EXD1: variants seen among roughly 807,000 people sequenced by gnomAD.
The protein encoded by EXD1 is exonuclease 3'-5' domain containing 1, also known as piRNA biogenesis protein EXD1.
Under a neutral mutation model 49.1 loss-of-function variants are expected in EXD1, and 63 were observed. The ratio of observed to expected loss-of-function variants is 1.28; its 90% CI spans 1.05 to 1.58. EXD1 has a LOEUF of 1.58. EXD1 is among the 40% of genes most tolerant of loss of function. The pLI is 0.00. For missense variants in EXD1, 748 were observed against 666.0 expected (o/e 1.12, Z -1.36); for synonymous variants, 234 against 239.2 (o/e 0.98, Z 0.20).
At position 41,203,916 on chromosome 15, in the gene EXD1, C is replaced by CAAAAAAAAA. The variant is rs1187093511; in HGVS notation, c.534+5576_534+5584dup. Among the ~76,000 whole-genome samples the CAAAAAAAAA allele has an allele frequency of 8.1e-3, 187 of 23,222 alleles. 17 individuals are homozygous for CAAAAAAAAA. The highest frequency in any genetic ancestry group is 0.077 in the Middle Eastern group (2 of 26). 15.2% of individuals were successfully genotyped at this position (23,222 alleles called of 152,430 possible). The stretch of plus-strand genomic sequence containing the variant: ...TGGGCAAAAGAGCAAGACTTCTCCT[C>CAAAAAAAAA]AAAAAAAAAAAAAAAAAAAAAAAAA... On this transcript the variant is annotated intron_variant, in intron 7 of 11. Coordinates refer to ENST00000458580, the MANE Select transcript of EXD1 (RefSeq NM_001286441.2).
At chr15:41,188,754 A>AT (rs1354752490) in intron 11 of EXD1, among the ~76,000 whole-genome samples, 2 of 149,146 alleles carry the variant, frequency 1.3e-5, no homozygotes, top group Non-Finnish European at 3.0e-5. Flanking sequence ...AATGATTGAA[A>AT]TTCTCAGTTT....
rs543424282 is a variant in EXD1 at position 41,214,475 on chromosome 15, C to T, written c.447+1300G>A. Among the ~76,000 whole-genome samples, 32 of 150,254 alleles carry T rather than the reference C, an allele frequency of 2.1e-4. No individual in the cohort carries two copies. The East Asian group carries it at 5.5e-3, about 26-fold the overall frequency. ...TTGAGGTGAGCCAAGATCACCCCAC[C>T]GAACTCCAGCCTGGGCCACAAGGCG... On this transcript the variant is annotated intron_variant, in intron 6 of 11. Transcript: ENST00000458580.
chr15:41,203,974 G>A (rs548585008), intron 7 of EXD1, among the ~76,000 whole-genome samples: 13 of 147,570 alleles, frequency 8.8e-5, no homozygotes, highest in South Asian at 4.3e-4. Flanking sequence ...GGCCAGGTGC[G>A]GTGGCTCACA....
chr15:41,217,335 C>A (rs1306303935), intron 3 of EXD1, among the ~76,000 whole-genome samples, 181 bp from the exon 4 acceptor site: 1 of 152,126 alleles, frequency 6.6e-6, no homozygotes, highest in African/African-American at 2.4e-5. Context: ...TCTAAAGTAC[C>A]AAAGACTCTC....
intron 2 of EXD1, among the ~76,000 whole-genome samples, chr15:41,223,074 C>T (rs940973590): frequency 7.2e-5 from 11 of 151,936 alleles, no homozygotes; most frequent in Admixed American, 3.3e-4. Context: ...CTACAGCCTC[C>T]GAATAGCTGA....
intron 7 of EXD1, among the ~76,000 whole-genome samples, chr15:41,201,932 C>A (rs934551879): frequency 1.1e-4 from 16 of 151,904 alleles, no homozygotes; most frequent in Admixed American, 3.3e-4. Flanking sequence ...GTGGGAGGAT[C>A]GCTTAAGGCC....
rs538577812 is a variant in EXD1, at chr15:41,230,208, C to T, written c.-54+271G>A. ...AAGCGATTCTCCTGCCTCAGCCTCC[C>T]GAGTAGCTGGGATTACAGGCACGCG... is the stretch of plus-strand genomic sequence containing the variant. On this transcript the variant is annotated intron_variant, in intron 1 of 11. Transcript: ENST00000458580. Among the ~76,000 whole-genome samples the T allele has an allele frequency of 7.2e-5, 11 of 151,764 alleles. No individual in the cohort carries two copies. The South Asian group carries it at 2.3e-3, about 32-fold the overall frequency.
Position 41,183,956 on chromosome 15 carries a change from A to T in EXD1, c.1694T>A (p.Ile565Lys). 1 of 1,605,140 alleles carries T rather than the reference A, an allele frequency of 6.2e-7. No homozygotes were observed. The highest frequency in any genetic ancestry group is 2.2e-5 in the East Asian group (1 of 44,812). The change falls in exon 12 of 12, where the codon ATA (isoleucine) becomes AAA (lysine). Residue 565 changes from isoleucine to lysine, a missense_variant. Transcript: ENST00000458580. ...CPALEKIDSW[I>K]SPFLNLP The stretch of plus-strand genomic sequence containing the variant: ...CTAGGGCAGATTTAGAAAAGGACTT[A>T]TCCAGGAATCGATCTTCTCCAAGGC...
chr15:41,199,732 T>TATATTATATATA (rs1566980624), intron 7 of EXD1, among the ~76,000 whole-genome samples: 4 of 78,840 alleles, frequency 5.1e-5, no homozygotes, highest in African/African-American at 2.2e-4. Flanking sequence ...TTATATATGA[T>TATATTATATATA]ATATATGTCA....
At position 41,191,567 on chromosome 15, in the gene EXD1, A is replaced by C; in HGVS notation, c.739T>G (p.Phe247Val). 1 of 1,614,034 alleles carries C rather than the reference A, an allele frequency of 6.2e-7. No homozygotes were observed. The highest frequency in any genetic ancestry group is 8.5e-7 in the Non-Finnish European group (1 of 1,180,004). ...FDTQVADVLQ[F>V]SMETGGYLPN... ...AGATAGCCACCCGTTTCCATGGAAA[A>C]CTGAAGTACATCTGCTACCTGTGGT... The change falls in exon 10 of 12, where the codon TTT becomes GTT. Residue 247 changes from phenylalanine (F) to valine (V), a missense_variant. By Grantham distance (50) the Phe-to-Val change is conservative. Transcript: ENST00000458580.
At chr15:41,186,195 G>GA (rs1013590062) in intron 11 of EXD1, among the ~76,000 whole-genome samples, 18 of 152,004 alleles carry the variant, frequency 1.2e-4, no homozygotes, top group African/African-American at 3.9e-4. Flanking sequence ...CAATAGTCAG[G>GA]AAAAAGTGGC....
At chr15:41,198,322 G>A (rs2046648071) in intron 7 of EXD1, among the ~76,000 whole-genome samples, 1 of 152,128 alleles carries the variant, frequency 6.6e-6, no homozygotes, top group African/African-American at 2.4e-5. Context: ...AGGAGAAAGG[G>A]GCTGAAGGGT....
chr15:41,218,498 A>AAG (rs977242556), intron 3 of EXD1, among the ~76,000 whole-genome samples: 2 of 151,806 alleles, frequency 1.3e-5, no homozygotes, highest in African/African-American at 4.8e-5. Flanking sequence ...AAAAAAAAAA[A>AAG]AAAAAAAGTA....
rs765755186 is a variant in EXD1 at position 41,216,720 on chromosome 15, G to A, written c.336C>T (p.Ala112=). The A allele has an allele frequency of 3.4e-5, 55 of 1,613,712 alleles. No homozygotes were observed. The highest frequency in any genetic ancestry group is 4.6e-5 in the Non-Finnish European group (54 of 1,180,024). ...GCAGAGAGGTAGCTGGTGCTTCAGGGGCAGGAGAAGCAGGCTCACATACAT... is the reference window on the plus strand; with the variant it reads ...GCAGAGAGGTAGCTGGTGCTTCAGGAGCAGGAGAAGCAGGCTCACATACAT... The part of the protein sequence containing the change: ...DLNVCEPASP[A]PEAPATSLLN... Residue 112 remains alanine, a synonymous_variant, in exon 5 of 12, where the codon GCC becomes GCT. Transcript: ENST00000458580.
At chr15:41,215,628 G>A in intron 6 of EXD1, 147 bp downstream of exon 6, 1 of 738,882 alleles carries the variant, frequency 1.4e-6, no homozygotes, top group Non-Finnish European at 2.3e-6. Context: ...GGAGCTTGCA[G>A]TGAGCCAAGA....
intron 7 of EXD1, among the ~76,000 whole-genome samples, chr15:41,202,174 T>A (rs530604255): frequency 1.1e-4 from 17 of 149,766 alleles, no homozygotes; most frequent in South Asian, 2.1e-4. Flanking sequence ...ATATTTTTTT[T>A]AATTTAATTT....
chr15:41,222,452 G>A (rs1341746542), intron 2 of EXD1, among the ~76,000 whole-genome samples: 1 of 152,106 alleles, frequency 6.6e-6, no homozygotes, highest in Non-Finnish European at 1.5e-5. Flanking sequence ...ACCAGATGGA[G>A]TTCCATCACC....
At chr15:41,218,422 G>A (rs2047034772) in intron 3 of EXD1, among the ~76,000 whole-genome samples, 1 of 150,896 alleles carries the variant, frequency 6.6e-6, no homozygotes, top group African/African-American at 2.5e-5. Flanking sequence ...CAGAGGCAAA[G>A]GTTGCAGTGA....
At chr15:41,221,591 C>T (rs926588132) in intron 2 of EXD1, among the ~76,000 whole-genome samples, 1 of 151,748 alleles carries the variant, frequency 6.6e-6, no homozygotes, top group Non-Finnish European at 1.5e-5. Flanking sequence ...TTTCTTATAA[C>T]TGCTGTTACA....
Sources: allele counts gnomAD v4.1 joint callset (sites outside exome capture counted in the v4.1 genomes callset), GRCh38; gene constraint gnomAD v4.1.1; transcripts MANE v1.5; gene names NCBI Gene and HGNC (gene_info 2026-07-23, HGNC 2026-07-21).